COL5A3: variants seen among roughly 807,000 people sequenced by gnomAD.
COL5A3 encodes collagen type V alpha 3 chain.
Under a neutral mutation model 250.0 loss-of-function variants are expected in COL5A3, and 172 were observed. That is an observed-to-expected ratio of 0.69 (90% confidence interval 0.61 to 0.78). The LOEUF is 0.78. COL5A3 is among the 30% of genes least tolerant of loss of function. COL5A3 has a pLI of 0.00. For missense variants in COL5A3, 2,340 were observed against 2,334.4 expected (o/e 1.00, Z -0.05); for synonymous variants, 937 against 900.4 (o/e 1.04, Z -0.73).
intron 44 of COL5A3, 21 bp from the exon 45 acceptor site, chr19:9,976,632 A>T: frequency 6.4e-7 from 1 of 1,568,752 alleles, no homozygotes. Context: ...AGGAAACAGA[A>T]TCAAAAATTC....
chr19:9,972,312 TTCATCCATTCACTCACTC>T (rs2086861235), intron 51 of COL5A3, among the ~76,000 whole-genome samples: 1 of 42,422 alleles, frequency 2.4e-5, no homozygotes, highest in Non-Finnish European at 4.5e-5. Flanking sequence ...CATTCACTCG[TTCATCCATTCACTCACTC>T]GTTCATCCAT....
At chr19:9,981,777 G>A (rs1209894445) in intron 32 of COL5A3, among the ~76,000 whole-genome samples, 1 of 152,192 alleles carries the variant, frequency 6.6e-6, no homozygotes, top group Non-Finnish European at 1.5e-5. Context: ...GCAGATTCAT[G>A]CCCTTGTTCA....
At chr19:9,985,966 C>T in intron 30 of COL5A3, 71 bp from the exon 31 acceptor site, 1 of 1,431,072 alleles carries the variant, frequency 7.0e-7, no homozygotes, top group Non-Finnish European at 9.8e-7. Flanking sequence ...GTCAGGCTGG[C>T]TGGGGCATGG....
At chr19:9,986,524 C>T (rs758148632) in intron 29 of COL5A3, 29 bp downstream of exon 29, 1 of 1,612,804 alleles carries the variant, frequency 6.2e-7, no homozygotes. Flanking sequence ...CCCAGACCCA[C>T]ACCACCCCTC....
chr19:9,972,242 GATTT>G (rs1431444615), intron 51 of COL5A3, among the ~76,000 whole-genome samples: 1 of 152,038 alleles, frequency 6.6e-6, no homozygotes, highest in Non-Finnish European at 1.5e-5. Flanking sequence ...TATATCCACT[GATTT>G]ATTCATTTTT....
Position 9,960,210 on chromosome 19 carries a change from G to C in COL5A3, c.*201C>G. On this transcript the variant is annotated 3_prime_UTR_variant, in exon 67 of 67. Transcript: ENST00000264828. ...CAGTATGCCACCTGGAATGGGGTGA[G>C]AGGAGGCTGGACCCTTGGGCCAGGG... 1.6e-6 allele frequency: 1 copy of C among 634,484 alleles called. No homozygotes were observed. The highest frequency in any genetic ancestry group is 2.7e-6 in the Non-Finnish European group (1 of 370,068). 39.3% of individuals were successfully genotyped at this position (634,484 alleles called of 1,614,324 possible).
At position 9,968,143 on chromosome 19, in the gene COL5A3, G is replaced by T; in HGVS notation, c.4315-64C>A. Reference sequence around the variant, plus strand: ...CCCTATTGCCCTGACACATCCCCCAGACAAGCCTTCAATCCTACCAAAGGA... The same window carrying T: ...CCCTATTGCCCTGACACATCCCCCATACAAGCCTTCAATCCTACCAAAGGA... On this transcript the variant is annotated intron_variant, in intron 59 of 66. Transcript: ENST00000264828. This position sits in a 1 kb window ranked among gnomAD's most constrained non-coding sequence, Gnocchi z 4.1. 6.8e-7 allele frequency: 1 copy of T among 1,460,596 alleles called. No homozygotes were observed. Among genetic ancestry groups the T allele is most frequent in the South Asian group, 1.2e-5 (1 of 80,872 alleles). 90.5% of individuals were successfully genotyped at this position (1,460,596 alleles called of 1,614,324 possible).
chr19:9,970,068 GGGGC>G (rs1311823858), intron 54 of COL5A3, 146 bp from the exon 55 acceptor site: 1 of 321,326 alleles, frequency 3.1e-6, no homozygotes, highest in Non-Finnish European at 5.6e-6. Flanking sequence ...TGGGTGAGTG[GGGGC>G]TGTGGGTGAG....
At chr19:10,003,457 T>G in intron 6 of COL5A3, 108 bp downstream of exon 6, 1 of 1,067,842 alleles carries the variant, frequency 9.4e-7, no homozygotes, top group Non-Finnish European at 1.4e-6. Flanking sequence ...GGACCAGAGA[T>G]TAGTAGAGAT....
intron 18 of COL5A3, 58 bp downstream of exon 18, chr19:9,993,561 G>T: frequency 5.0e-6 from 8 of 1,596,138 alleles, no homozygotes; most frequent in African/African-American, 1.3e-5. Context: ...GAGAAGTTGG[G>T]GGGGCTTGAA....
At chr19:9,975,986 TG>T (rs1412064934) in intron 45 of COL5A3, among the ~76,000 whole-genome samples, 3 of 150,926 alleles carry the variant, frequency 2.0e-5, no homozygotes, top group South Asian at 4.2e-4. Flanking sequence ...AATCAGATTC[TG>T]GGGGTGAGTT....
chr19:9,996,552 A>G (rs1235204739), intron 12 of COL5A3, 36 bp from the exon 13 acceptor site: 1 of 1,613,352 alleles, frequency 6.2e-7, no homozygotes, highest in Non-Finnish European at 8.5e-7. Flanking sequence ...AGCCCCCAGG[A>G]GAGGCCCCCT....
intron 16 of COL5A3, among the ~76,000 whole-genome samples, chr19:9,994,073 C>T (rs2087236161): frequency 6.6e-6 from 1 of 152,116 alleles, no homozygotes; most frequent in South Asian, 2.1e-4. Context: ...GTTGCTCAGG[C>T]TAGTCTCAAA....
rs561331979 is a variant in COL5A3 at position 9,969,660 on chromosome 19, G to A, written c.4013C>T (p.Pro1338Leu). The A allele has an allele frequency of 6.3e-5, 100 of 1,587,934 alleles. No individual in the cohort carries two copies. The highest frequency in any genetic ancestry group is 9.8e-5 in the Admixed American group (5 of 50,900). Reference protein sequence around the residue: ...GAKGEPGPDGPPGRTGPMGAR... With the variant: ...GAKGEPGPDGLPGRTGPMGAR... ...CCCCATTGGACCCGTCCTCCCTGGG[G>A]GCCCATCAGGACCTGGCTCCCCCTG... is the stretch of plus-strand genomic sequence containing the variant. Residue 1338 changes from proline (P) to leucine (L), a missense_variant, in exon 56 of 67, where the codon CCC becomes CTC. Physicochemically the swap from Pro to Leu is moderately conservative, Grantham distance 98. Around this residue, in one of 3 missense-constraint regions of COL5A3, gnomAD observed 1,179 missense variants for 1,162.6 expected, o/e 1.01. Coordinates refer to ENST00000264828, the MANE Select transcript of COL5A3 (RefSeq NM_015719.4).
rs1240718438 is a variant in COL5A3 at position 9,968,716 on chromosome 19, G to A, written c.4165C>T (p.Leu1389Phe). ...CCAGTGTCTCCCTTCAGCCCTGGGA[G>A]GCCAGAGGGCCCCTGGGAGAAGAGC... is the stretch of plus-strand genomic sequence containing the variant. The part of the protein sequence containing the change: ...GPPGPLGPSG[L>F]PGLKGDTGPK... The change falls in exon 58 of 67, where the codon CTC (leucine) becomes TTC (phenylalanine). Residue 1389 changes from leucine to phenylalanine, a missense_variant. Around this residue, in one of 3 missense-constraint regions of COL5A3, gnomAD observed 1,179 missense variants for 1,162.6 expected, o/e 1.01. Transcript: ENST00000264828. The surrounding 1 kb of genome is among the most constrained non-coding windows in gnomAD (Gnocchi z 4.1). 1 of 1,606,040 alleles carries A rather than the reference G, an allele frequency of 6.2e-7. No individual in the cohort carries two copies. The highest frequency in any genetic ancestry group is 1.1e-5 in the South Asian group (1 of 89,538).
chr19:9,994,561 T>TATAC (rs2087242473), intron 16 of COL5A3, among the ~76,000 whole-genome samples: 1 of 15,786 alleles, frequency 6.3e-5, no homozygotes, highest in Non-Finnish European at 1.1e-4. Flanking sequence ...ATGTTTTACA[T>TATAC]ATATATATAT....
At chr19:9,969,738 C>A in intron 55 of COL5A3, 56 bp from the exon 56 acceptor site, 2 of 1,579,888 alleles carry the variant, frequency 1.3e-6, no homozygotes, top group Non-Finnish European at 1.7e-6. Flanking sequence ...TGCCTCCTGA[C>A]CCCTGCCAAG....
intron 65 of COL5A3, among the ~76,000 whole-genome samples, chr19:9,962,559 CCTTCTGGT>C (rs1187731552): frequency 6.6e-6 from 1 of 152,162 alleles, no homozygotes; most frequent in Non-Finnish European, 1.5e-5. Flanking sequence ...TACTAGGAAG[CCTTCTGGT>C]CTTTCCAACA....
intron 12 of COL5A3, 23 bp from the exon 13 acceptor site, chr19:9,996,539 G>A: frequency 6.2e-7 from 1 of 1,613,850 alleles, no homozygotes; most frequent in East Asian, 2.2e-5. Flanking sequence ...TAGTGGTGAG[G>A]GAAGCCCCCA....
Sources: gnomAD v4.1 joint callset for allele counts (sites outside exome capture counted in the v4.1 genomes callset) on GRCh38, gnomAD v4.1.1 for gene constraint, gnomAD v4.1.1 regional missense constraint, Gnocchi (gnomAD v3.1) non-coding constraint, MANE v1.5 for transcripts, NCBI Gene and HGNC (gene_info 2026-07-23, HGNC 2026-07-21) for gene names.